ITGA2B: variants seen among roughly 807,000 people sequenced by gnomAD.
ITGA2B encodes the protein integrin subunit alpha 2b.
Under a neutral mutation model 142.0 loss-of-function variants are expected in ITGA2B, and 91 were observed. The observed-to-expected ratio is 0.64, with a 90% confidence interval of 0.54 to 0.76. The LOEUF (loss-of-function observed/expected upper bound fraction) is 0.76. ITGA2B is among the 30% of genes least tolerant of loss of function. The pLI is 0.00. For missense variants in ITGA2B, 1,231 were observed against 1,350.8 expected (o/e 0.91, Z 1.39); for synonymous variants, 536 against 567.2 (o/e 0.94, Z 0.78).
At position 44,378,367 on chromosome 17, in the gene ITGA2B, C is replaced by T; in HGVS notation, c.2089G>A (p.Val697Ile). The T allele has an allele frequency of 1.9e-6, 3 of 1,611,130 alleles. No homozygotes were observed. The highest frequency in any genetic ancestry group is 2.7e-5 in the African/African-American group (2 of 75,002). ...GAHYMRALSN[V>I]EGFERLICNQ... is the part of the protein sequence containing the mutation. ...TCCCAGGGTGGGGGCCATACCTCGACATTGCTTAGGGCCCGCATGTAGTGG... is the reference window on the plus strand; with the variant it reads ...TCCCAGGGTGGGGGCCATACCTCGATATTGCTTAGGGCCCGCATGTAGTGG... Residue 697 changes from valine to isoleucine, a missense_variant, in exon 20 of 30, where the codon GTC becomes ATC. Val to Ile is a conservative substitution (Grantham distance 29, BLOSUM62 3). Coordinates refer to ENST00000262407, the MANE Select transcript of ITGA2B (RefSeq NM_000419.5).
chr17:44,378,278 G>C, intron 20 of ITGA2B, 84 bp downstream of exon 20: 1 of 1,489,250 alleles, frequency 6.7e-7, no homozygotes, highest in African/African-American at 1.4e-5. Flanking sequence ...GAAGAGAAGA[G>C]GGACTCTCAG....
intron 12 of ITGA2B, among the ~76,000 whole-genome samples, chr17:44,381,735 G>A (rs1368572528): frequency 1.3e-5 from 2 of 151,792 alleles, no homozygotes; most frequent in East Asian, 3.9e-4. Context: ...CTGGACTAAA[G>A]CAATCCTCCC....
rs564839776 is a variant in ITGA2B at position 44,383,960 on chromosome 17, A to G, written c.946-14T>C. 3 of 1,614,026 alleles carry G rather than the reference A, an allele frequency of 1.9e-6. No homozygotes were observed. Among genetic ancestry groups the G allele is most frequent in the Non-Finnish European group, 1.7e-6 (2 of 1,179,998 alleles). On this transcript the variant is annotated splice_polypyrimidine_tract_variant and intron_variant, in intron 10 of 29. Transcript: ENST00000262407. ...ATACGACGCCATCTGCAAGATGAGG[A>G]GCACCATCATTCACGCCGCTGGACA...
At position 44,385,544 on chromosome 17, in the gene ITGA2B, C is replaced by G; in HGVS notation, c.574+7G>C. 6.4e-7 allele frequency: 1 copy of G among 1,557,252 alleles called. No homozygotes were observed. The highest frequency in any genetic ancestry group is 8.6e-7 in the Non-Finnish European group (1 of 1,156,820). On this transcript the variant is annotated splice_region_variant and intron_variant, in intron 4 of 29. Coordinates refer to ENST00000262407, the MANE Select transcript of ITGA2B (RefSeq NM_000419.5). ...GTGGGCGGGGCCAGGTCGTAGCTGG[C>G]GCTTACTAAAATCATTTTCCACGTA...
chr17:44,385,477 C>CTGGGGGCGGGATCCGA, intron 4 of ITGA2B, 74 bp downstream of exon 4: 1 of 1,487,686 alleles, frequency 6.7e-7, no homozygotes, highest in Non-Finnish European at 9.0e-7. Flanking sequence ...GGCTGCGGCG[C>CTGGGGGCGGGATCCGA]TGGGGGCGGG....
At chr17:44,386,195 G>T in intron 1 of ITGA2B, 64 bp from the exon 2 acceptor site, 2 of 1,539,932 alleles carry the variant, frequency 1.3e-6, no homozygotes, top group South Asian at 1.2e-5. Context: ...TGGCGCCGGC[G>T]CTGGGAGCAC....
chr17:44,381,119 G>A (rs2048594011), intron 12 of ITGA2B, 58 bp from the exon 13 acceptor site: 3 of 1,544,570 alleles, frequency 1.9e-6, no homozygotes, highest in Middle Eastern at 3.4e-4. Flanking sequence ...CTAGATGACT[G>A]TAAAACTTTC....
At position 44,378,521 on chromosome 17, in the gene ITGA2B, G is replaced by T; in HGVS notation, c.1947-12C>A. 1 of 1,613,472 alleles carries T rather than the reference G, an allele frequency of 6.2e-7. No individual in the cohort carries two copies. The highest frequency in any genetic ancestry group is 2.2e-5 in the East Asian group (1 of 44,868). ...GCGGGGAGCCCGTCCTGTGGGGAAAGAGGAGTGAAGCCAGGGAGCCTGGGT... is the reference window on the plus strand; with the variant it reads ...GCGGGGAGCCCGTCCTGTGGGGAAATAGGAGTGAAGCCAGGGAGCCTGGGT... On this transcript the variant is annotated splice_polypyrimidine_tract_variant and intron_variant, in intron 19 of 29. Transcript: ENST00000262407.
chr17:44,385,161 T>A lies in ITGA2B; in HGVS notation c.670+3A>T. 1 of 1,613,880 alleles carries A rather than the reference T, an allele frequency of 6.2e-7. No homozygotes were observed. Among genetic ancestry groups the A allele is most frequent in the Non-Finnish European group, 8.5e-7 (1 of 1,179,988 alleles). ...GGAGGGAGGTGTACGGATGGGCACGTACCTAAGAAATAATAGCCGCCAGGA... is the reference window on the plus strand; with the variant it reads ...GGAGGGAGGTGTACGGATGGGCACGAACCTAAGAAATAATAGCCGCCAGGA... On this transcript the variant is annotated splice_donor_region_variant and intron_variant, in intron 6 of 29. Transcript: ENST00000262407.
chr17:44,388,358 T>C (rs1480492985), intron 1 of ITGA2B, among the ~76,000 whole-genome samples: 18 of 144,734 alleles, frequency 1.2e-4, no homozygotes, highest in East Asian at 3.9e-4. Flanking sequence ...TTTCTTTTTT[T>C]TTTTTTTTTT....
chr17:44,373,612 A>G (rs1478466491), intron 29 of ITGA2B, among the ~76,000 whole-genome samples: 1 of 152,184 alleles, frequency 6.6e-6, no homozygotes, highest in East Asian at 1.9e-4. Context: ...CCACATAGGA[A>G]GGGAGGAATA....
At position 44,376,362 on chromosome 17, in the gene ITGA2B, T is replaced by C; in HGVS notation, c.2294A>G (p.Lys765Arg). The change falls in exon 23 of 30, where the codon AAG (lysine) becomes AGG (arginine). Residue 765 changes from lysine to arginine, a missense_variant. Coordinates refer to ENST00000262407, the MANE Select transcript of ITGA2B (RefSeq NM_000419.5). ...GACCGGCACGTCCAGCAGCACAATC[T>C]TGCTGTTTGGATTCTGGCTGTTCTT... is the stretch of plus-strand genomic sequence containing the variant. ...RSKNSQNPNS[K>R]IVLLDVPVRA... is the part of the protein sequence containing the mutation. 1.2e-6 allele frequency: 2 copies of C among 1,614,178 alleles called. No individual in the cohort carries two copies. Among genetic ancestry groups the C allele is most frequent in the Non-Finnish European group, 8.5e-7 (1 of 1,180,038 alleles).
In ITGA2B at chr17:44,384,077, G is replaced by GC; in HGVS notation, c.945+7dup. The stretch of plus-strand genomic sequence containing the variant: ...ACCCAGCCACGCCCACTGGGACCTG[G>GC]CCCCCACCTGCTCTCCGCGCAGCCG... On this transcript the variant is annotated splice_region_variant and intron_variant, in intron 10 of 29. Transcript: ENST00000262407. 5.0e-6 allele frequency: 8 copies of GC among 1,613,670 alleles called. No homozygotes were observed. The highest frequency in any genetic ancestry group is 6.8e-6 in the Non-Finnish European group (8 of 1,179,898).
chr17:44,385,295 C>T lies in ITGA2B; in HGVS notation c.615G>A (p.Val205=). The T allele has an allele frequency of 6.2e-7, 1 of 1,613,182 alleles. No individual in the cohort carries two copies. Among genetic ancestry groups the T allele is most frequent in the Non-Finnish European group, 8.5e-7 (1 of 1,179,976 alleles). The change falls in exon 5 of 30, where the codon GTG becomes GTA. Residue 205 remains valine, a synonymous_variant. Transcript: ENST00000262407. The part of the protein sequence containing the change: ...KRYCEAGFSS[V]VTQAGELVLG... ...TTTGCTCCCTACTCGCCTGAGTGAC[C>T]ACGGAGCTGAAGCCCGCTTCACAGT... is the stretch of plus-strand genomic sequence containing the variant.
At chr17:44,376,438 G>T in intron 22 of ITGA2B, 50 bp from the exon 23 acceptor site, 1 of 1,570,582 alleles carries the variant, frequency 6.4e-7, no homozygotes, top group Non-Finnish European at 8.8e-7. Context: ...CCAGCCCAGT[G>T]ACTTTCTGGG....
At chr17:44,374,126 G>C (rs1424348815) in intron 29 of ITGA2B, 1 of 533,620 alleles carries the variant, frequency 1.9e-6, no homozygotes, top group African/African-American at 1.9e-5. Flanking sequence ...GGCTGGTCTC[G>C]AACTCTTGAC....
chr17:44,375,733 G>C lies in ITGA2B; in HGVS notation c.2602-17C>G, dbSNP rs1441709001. ...CCAGTCCACCTGGGGGGGCAAAGGA[G>C]TGGTCAGGCCCAGGTCTCCCCCGAA... is the stretch of plus-strand genomic sequence containing the variant. On this transcript the variant is annotated splice_polypyrimidine_tract_variant and intron_variant, in intron 25 of 29. Transcript: ENST00000262407. The C allele has an allele frequency of 2.6e-6, 4 of 1,566,568 alleles. No homozygotes were observed. Among genetic ancestry groups the C allele is most frequent in the South Asian group, 2.3e-5 (2 of 85,746 alleles).
rs1326203959 is a variant in ITGA2B, at chr17:44,389,512, G to T, written c.-39C>A. 6.2e-7 allele frequency: 1 copy of T among 1,602,914 alleles called. No homozygotes were observed. Among genetic ancestry groups the T allele is most frequent in the Admixed American group, 1.7e-5 (1 of 59,654 alleles). ...CAACCTCCCAGGCAGGAATGGGCCAGCTCCTCCTCCTTCCCTTCAGATTCC... is the reference window on the plus strand; with the variant it reads ...CAACCTCCCAGGCAGGAATGGGCCATCTCCTCCTCCTTCCCTTCAGATTCC... On this transcript the variant is annotated 5_prime_UTR_variant, in exon 1 of 30. The change creates a new upstream start codon in the 5' untranslated region. Coordinates refer to ENST00000262407, the MANE Select transcript of ITGA2B (RefSeq NM_000419.5).
rs1401652063 is a variant in ITGA2B at position 44,385,301 on chromosome 17, G to A, written c.609C>T (p.Ser203=). ...WDKRYCEAGF[S]SVVTQAGELV... is the part of the protein sequence containing the mutation. ...CCCTACTCGCCTGAGTGACCACGGA[G>A]CTGAAGCCCGCTTCACAGTAACGCT... The change falls in exon 5 of 30, where the codon AGC becomes AGT. Residue 203 remains serine (S), a synonymous_variant. Transcript: ENST00000262407. 2.5e-6 allele frequency: 4 copies of A among 1,612,792 alleles called. No homozygotes were observed. Among genetic ancestry groups the A allele is most frequent in the Non-Finnish European group, 3.4e-6 (4 of 1,179,994 alleles).
Sources: allele counts gnomAD v4.1 joint callset (sites outside exome capture counted in the v4.1 genomes callset), GRCh38; gene constraint gnomAD v4.1.1; transcripts MANE v1.5; gene names NCBI Gene and HGNC (gene_info 2026-07-23, HGNC 2026-07-21).